NDUFAF1: variants seen among roughly 807,000 people sequenced by gnomAD.
NDUFAF1 encodes the protein NADH:ubiquinone oxidoreductase complex assembly factor 1, also known as complex I intermediate-associated protein 30, mitochondrial.
In NDUFAF1, 18 loss-of-function variants were observed where a neutral mutation model predicts 28.7. That is an observed-to-expected ratio of 0.63 (90% confidence interval 0.43 to 0.93). The LOEUF (loss-of-function observed/expected upper bound fraction) is 0.93. NDUFAF1 is among the 40% of genes least tolerant of loss of function. NDUFAF1 has a pLI of 0.00. For missense variants in NDUFAF1, 404 were observed against 398.3 expected (o/e 1.01, Z -0.12); for synonymous variants, 113 against 139.7 (o/e 0.81, Z 1.35).
At position 41,396,531 on chromosome 15, in the gene NDUFAF1, A is replaced by C. The variant is rs369731294; in HGVS notation, c.529T>G (p.Ser177Ala). Residue 177 changes from serine to alanine, a missense_variant, in exon 2 of 5, where the codon TCT becomes GCT. Transcript: ENST00000260361. ...ATTGCACAGTACCCACTTCGGGTAG[A>C]CTCCCCGTCCTGAGGCGCCTCAGAG... ...LSSEAPQDGE[S>A]TRSGYCAMIS... 6.2e-6 allele frequency: 10 copies of C among 1,613,942 alleles called. No homozygotes were observed. The highest frequency in any genetic ancestry group is 7.6e-6 in the Non-Finnish European group (9 of 1,180,006).
chr15:41,397,767 C>A (rs1036949701), intron 1 of NDUFAF1, among the ~76,000 whole-genome samples: 17 of 149,398 alleles, frequency 1.1e-4, no homozygotes, highest in Non-Finnish European at 2.2e-4. Flanking sequence ...CCACTACACT[C>A]CAGCCTGGGC....
At chr15:41,401,434 CT>C (rs748339568) in intron 1 of NDUFAF1, among the ~76,000 whole-genome samples, 5,222 of 138,388 alleles carry the variant, frequency 0.038, 225 homozygotes, top group African/African-American at 0.11. Context: ...CCATGCCCAA[CT>C]TTTTTTTTTT....
At chr15:41,397,521 C>T (rs1447468341) in intron 1 of NDUFAF1, among the ~76,000 whole-genome samples, 6 of 152,102 alleles carry the variant, frequency 3.9e-5, no homozygotes, top group Middle Eastern at 3.4e-3. Context: ...GAGACTGGGC[C>T]GGGCGCGGTG....
chr15:41,399,200 G>A (rs1393288156), intron 1 of NDUFAF1, among the ~76,000 whole-genome samples: 2 of 151,822 alleles, frequency 1.3e-5, no homozygotes, highest in Non-Finnish European at 2.9e-5. Flanking sequence ...AGGAGTTCAA[G>A]ACCAGCCTAA....
At chr15:41,400,100 G>A (rs1299881848) in intron 1 of NDUFAF1, among the ~76,000 whole-genome samples, 4 of 151,552 alleles carry the variant, frequency 2.6e-5, no homozygotes, top group South Asian at 2.1e-4. Context: ...AAGGCCAGGC[G>A]CAGTGGCTCA....
chr15:41,398,166 C>T (rs1188545127), intron 1 of NDUFAF1, among the ~76,000 whole-genome samples: 1 of 151,360 alleles, frequency 6.6e-6, no homozygotes, highest in Non-Finnish European at 1.5e-5. Flanking sequence ...ATGCACTGTC[C>T]CCGGCCTTTT....
chr15:41,398,683 C>T (rs148921835), intron 1 of NDUFAF1, among the ~76,000 whole-genome samples: 49 of 151,996 alleles, frequency 3.2e-4, no homozygotes, highest in African/African-American at 1.1e-3. Context: ...GGCCGGGTGC[C>T]GTGCATCACA....
At chr15:41,393,720 ACGC>A (rs2050344681) in intron 3 of NDUFAF1, among the ~76,000 whole-genome samples, 1 of 151,194 alleles carries the variant, frequency 6.6e-6, no homozygotes, top group South Asian at 2.1e-4. Flanking sequence ...AGCTGGGACG[ACGC>A]CACCACACCC....
chr15:41,400,688 ATTTTTT>A (rs58010983), intron 1 of NDUFAF1, among the ~76,000 whole-genome samples: 40 of 97,820 alleles, frequency 4.1e-4, no homozygotes, highest in African/African-American at 1.2e-3. Flanking sequence ...ATGCCCAGCT[ATTTTTT>A]TTTTTTTTTT....
intron 3 of NDUFAF1, among the ~76,000 whole-genome samples, chr15:41,393,911 G>A (rs1159014899): frequency 6.8e-6 from 1 of 148,038 alleles, no homozygotes; most frequent in African/African-American, 2.5e-5. Flanking sequence ...GTTTTGCCAT[G>A]TTAGCCAGGC....
chr15:41,393,122 T>G (rs934871007), intron 3 of NDUFAF1, among the ~76,000 whole-genome samples: 2 of 101,348 alleles, frequency 2.0e-5, no homozygotes, highest in Admixed American at 9.1e-5. Context: ...TCTTGTTGAG[T>G]TTTTTTTTTT....
rs2050267422 is a variant in NDUFAF1, at chr15:41,387,526, A to G, written c.902T>C (p.Ile301Thr). 2 of 1,612,898 alleles carry G rather than the reference A, an allele frequency of 1.2e-6. No homozygotes were observed. The highest frequency in any genetic ancestry group is 1.3e-5 in the African/African-American group (1 of 74,916). The change falls in exon 5 of 5, where the codon ATT (isoleucine) becomes ACT (threonine). Residue 301 changes from isoleucine (I) to threonine (T), a missense_variant. Transcript: ENST00000260361. The part of the protein sequence containing the change: ...DGPFFLEIDF[I>T]GVFTDPAHTE... ...ATGAGCTGGATCAGTAAACACGCCAATAAAATCTATCTCCAGGAAGAATGG... is the reference window on the plus strand; with the variant it reads ...ATGAGCTGGATCAGTAAACACGCCAGTAAAATCTATCTCCAGGAAGAATGG...
chr15:41,399,467 G>C (rs1415953114), intron 1 of NDUFAF1, among the ~76,000 whole-genome samples: 2 of 151,118 alleles, frequency 1.3e-5, no homozygotes, highest in African/African-American at 4.9e-5. Flanking sequence ...TGAGGCAGGA[G>C]AATCGCTTGA....
Position 41,402,208 on chromosome 15 carries a change from T to C in NDUFAF1, c.-146A>G. ...CACAACAATCCTGAGAGAGGTACTATTATTATTTCAATTATAGAGACGAAG... is the reference window on the plus strand; with the variant it reads ...CACAACAATCCTGAGAGAGGTACTACTATTATTTCAATTATAGAGACGAAG... On this transcript the variant is annotated 5_prime_UTR_variant, in exon 1 of 5. Coordinates refer to ENST00000260361, the MANE Select transcript of NDUFAF1 (RefSeq NM_016013.4). 2.2e-6 allele frequency: 1 copy of C among 454,136 alleles called. No homozygotes were observed. The highest frequency in any genetic ancestry group is 2.3e-5 in the Admixed American group (1 of 42,566). The allele number at this position is 454,136 out of a possible 1,614,324, so 28.1% of individuals were successfully genotyped here.
intron 3 of NDUFAF1, among the ~76,000 whole-genome samples, chr15:41,391,254 C>G (rs918717053): frequency 6.6e-6 from 1 of 151,724 alleles, no homozygotes. Flanking sequence ...GTGCTAGGCA[C>G]TAGGACAAAA....
At chr15:41,399,970 A>C (rs916909978) in intron 1 of NDUFAF1, among the ~76,000 whole-genome samples, 3 of 150,662 alleles carry the variant, frequency 2.0e-5, no homozygotes, top group African/African-American at 7.3e-5. Flanking sequence ...TGAAGCAGGA[A>C]AATCGCTTGA....
chr15:41,396,849 T>C lies in NDUFAF1; in HGVS notation c.211A>G (p.Ile71Val), dbSNP rs2050395813. Residue 71 changes from isoleucine (I) to valine (V), a missense_variant, in exon 2 of 5, where the codon ATA (isoleucine) becomes GTA (valine). Ile to Val is a conservative substitution (Grantham distance 29). Coordinates refer to ENST00000260361, the MANE Select transcript of NDUFAF1 (RefSeq NM_016013.4). ...GDHQKEVALD[I>V]TSSEEKPDVS... ...TCAGGCTTCTCCTCAGAAGAAGTTA[T>C]ATCCAAAGCAACTTCTTTCTGGTGA... is the stretch of plus-strand genomic sequence containing the variant. 4 of 1,614,044 alleles carry C rather than the reference T, an allele frequency of 2.5e-6. No individual in the cohort carries two copies. Among genetic ancestry groups the C allele is most frequent in the Non-Finnish European group, 3.4e-6 (4 of 1,180,036 alleles).
chr15:41,394,431 G>A (rs1269350144), intron 3 of NDUFAF1: 3 of 1,246,434 alleles, frequency 2.4e-6, no homozygotes, highest in Non-Finnish European at 3.2e-6. Flanking sequence ...GAGCAGAGAT[G>A]TGCCTGTGAC....
chr15:41,388,818 T>C lies in NDUFAF1; in HGVS notation c.760-296A>G, dbSNP rs145972317. Among the ~76,000 whole-genome samples, 358 of 148,278 alleles carry C rather than the reference T, an allele frequency of 2.4e-3. 1 individual carries two copies. The highest frequency in any genetic ancestry group is 8.4e-3 in the African/African-American group (337 of 40,274). ...CACTTTGTTGCCTGAACCCGGGAGG[T>C]AGAGGTTGCAGTAAGCCAAGATCAC... On this transcript the variant is annotated intron_variant, in intron 3 of 4. Coordinates refer to ENST00000260361, the MANE Select transcript of NDUFAF1 (RefSeq NM_016013.4).
Sources: gnomAD v4.1 joint callset for allele counts (sites outside exome capture counted in the v4.1 genomes callset) on GRCh38, gnomAD v4.1.1 for gene constraint, MANE v1.5 for transcripts, NCBI Gene and HGNC (gene_info 2026-07-23, HGNC 2026-07-21) for gene names.